The following CCDC178 variants were observed in gnomAD, a reference collection of about 807,000 sequenced individuals.
The protein encoded by CCDC178 is coiled-coil domain-containing protein 178.
CCDC178 carries 126 observed loss-of-function variants against 117.4 expected under a neutral mutation model. The ratio of observed to expected loss-of-function variants is 1.07; its 90% CI spans 0.93 to 1.24. The LOEUF is 1.24. Among genes scored for constraint, CCDC178 ranks in the 50% most tolerant of loss-of-function variants. The probability of loss-of-function intolerance (pLI) is 0.00; values close to 1 mark genes in which losing one functional copy is unlikely to be tolerated. For synonymous variants in CCDC178, 283 were observed against 313.4 expected, an observed-to-expected ratio of 0.90 and a Z score of 1.02; for missense variants, 1,030 against 986.9, an observed-to-expected ratio of 1.04 and a Z score of -0.59.
Position 32,937,929 on chromosome 18 carries a change from G to T in CCDC178, c.*82C>A. On this transcript the variant is annotated 3_prime_UTR_variant, in exon 23 of 23. Transcript: ENST00000383096. ...TGGAAGTGTGAAATGGCAAACAGGT[G>T]AATGTCCAATTACACTGTTATCTGA... 1 of 1,075,634 alleles carries T rather than the reference G, an allele frequency of 9.3e-7. No individual in the cohort carries two copies. The highest frequency in any genetic ancestry group is 1.3e-5 in the South Asian group (1 of 76,296). 66.6% of individuals were successfully genotyped at this position (1,075,634 alleles called of 1,614,324 possible).
rs1329925703 is a variant in CCDC178, at chr18:33,183,284, G to A, written c.2238+28612C>T. On this transcript the variant is annotated intron_variant, in intron 20 of 22. Transcript: ENST00000383096. ...TCACTTCAATAACTCTTTTAAAGTT[G>A]TTGCGCCAAGATGCCTGGCGGATTA... 4.6e-5 allele frequency among the ~76,000 whole-genome samples: 7 copies of A among 152,102 alleles called. No individual in the cohort carries two copies. In the East Asian group the frequency reaches 1.4e-3, roughly 29 times the overall value.
intron 21 of CCDC178, among the ~76,000 whole-genome samples, 196 bp downstream of exon 21, chr18:33,092,563 GTT>G (rs1284323452): frequency 3.3e-5 from 5 of 151,974 alleles, no homozygotes; most frequent in Non-Finnish European, 7.4e-5. Flanking sequence ...TAGAAACTAA[GTT>G]TTTCATTTCT....
chr18:33,148,100 C>A (rs1364598472), intron 20 of CCDC178, among the ~76,000 whole-genome samples: 1 of 151,934 alleles, frequency 6.6e-6, no homozygotes, highest in South Asian at 2.1e-4. Flanking sequence ...TGTAGCGAGC[C>A]GAGATCATGC....
At chr18:32,950,810 A>C (rs1311733792) in intron 22 of CCDC178, among the ~76,000 whole-genome samples, 1 of 152,236 alleles carries the variant, frequency 6.6e-6, no homozygotes, top group Non-Finnish European at 1.5e-5. Flanking sequence ...AAAAGGTAAA[A>C]AATTAATCTA....
chr18:32,963,624 CCTGA>C (rs1482650070), intron 22 of CCDC178, among the ~76,000 whole-genome samples: 1 of 151,894 alleles, frequency 6.6e-6, no homozygotes, highest in Non-Finnish European at 1.5e-5. Flanking sequence ...TATATAACCC[CCTGA>C]CTACCTTTTG....
chr18:33,231,463 T>G (rs559878514), intron 15 of CCDC178, among the ~76,000 whole-genome samples: 5 of 152,340 alleles, frequency 3.3e-5, no homozygotes, highest in African/African-American at 1.2e-4. Flanking sequence ...AATTTGCATG[T>G]AGACTATGCA....
intron 14 of CCDC178, among the ~76,000 whole-genome samples, chr18:33,253,765 A>G (rs549281335): frequency 1.3e-5 from 2 of 151,980 alleles, no homozygotes; most frequent in Admixed American, 6.6e-5. Context: ...TGCTAAGTGG[A>G]AAGAACATAA....
At chr18:33,027,616 A>G (rs985048320) in intron 21 of CCDC178, among the ~76,000 whole-genome samples, 20 of 151,802 alleles carry the variant, frequency 1.3e-4, no homozygotes, top group Admixed American at 1.1e-3. Context: ...TTTAAATTTT[A>G]CTAGAGATTA....
chr18:33,011,551 C>T (rs77400423), intron 21 of CCDC178, among the ~76,000 whole-genome samples: 2 of 151,518 alleles, frequency 1.3e-5, no homozygotes, highest in African/African-American at 2.4e-5. Flanking sequence ...ACCGTCCAGG[C>T]GAAATATACT....
chr18:33,208,016 C>CA (rs1935742852), intron 20 of CCDC178, among the ~76,000 whole-genome samples: 1 of 152,032 alleles, frequency 6.6e-6, no homozygotes, highest in East Asian at 1.9e-4. Flanking sequence ...ATCTCTGATA[C>CA]AAAATTAGCA....
intron 21 of CCDC178, among the ~76,000 whole-genome samples, chr18:33,079,225 T>C (rs1264921028): frequency 6.6e-6 from 1 of 152,158 alleles, no homozygotes; most frequent in African/African-American, 2.4e-5. Flanking sequence ...GCTAGAAATA[T>C]GCAGAAGTTT....
intron 21 of CCDC178, among the ~76,000 whole-genome samples, chr18:33,069,839 A>G (rs1363261387): frequency 6.6e-6 from 1 of 152,104 alleles, no homozygotes; most frequent in Non-Finnish European, 1.5e-5. Flanking sequence ...AAAGAAACAA[A>G]TAATCCACTT....
chr18:33,408,293 T>C lies in CCDC178; in HGVS notation c.58+3738A>G, dbSNP rs186979618. 2.4e-3 allele frequency among the ~76,000 whole-genome samples: 372 copies of C among 151,908 alleles called. 3 individuals are homozygous for C. The highest frequency in any genetic ancestry group is 8.6e-3 in the African/African-American group (357 of 41,504). The stretch of plus-strand genomic sequence containing the variant: ...ATTAAAAGTCTCACTTTAAAAATCA[T>C]GAACAGGAAGATGTGTGCACATTTT... On this transcript the variant is annotated intron_variant, in intron 3 of 22. Transcript: ENST00000383096.
At chr18:32,954,510 C>A (rs931403538) in intron 22 of CCDC178, 1 of 151,926 alleles carries the variant, frequency 6.6e-6, no homozygotes, top group Admixed American at 6.6e-5. Flanking sequence ...TTTTAGGGTT[C>A]CAGTCTGTCT....
chr18:33,001,757 A>G lies in CCDC178; in HGVS notation c.2389-27076T>C, dbSNP rs142101458. ...ATTGTATGAATGGATTAAAAAAAGA[A>G]GACCCAGCATAGAGTGTCTGTTGCC... On this transcript the variant is annotated intron_variant, in intron 21 of 22. Transcript: ENST00000383096. Among the ~76,000 whole-genome samples, 1,053 of 152,272 alleles carry G rather than the reference A, an allele frequency of 6.9e-3. 12 individuals carry two copies. The highest frequency in any genetic ancestry group is 5.7e-3 in the Non-Finnish European group (386 of 68,014).
intron 19 of CCDC178, 62 bp downstream of exon 19, chr18:33,215,488 T>C: frequency 2.2e-6 from 2 of 928,230 alleles, no homozygotes; most frequent in Middle Eastern, 3.6e-4. Flanking sequence ...AATATGGAAA[T>C]TTGATCTTAT....
chr18:33,139,050 C>A (rs1452998475), intron 20 of CCDC178, among the ~76,000 whole-genome samples: 1 of 152,164 alleles, frequency 6.6e-6, no homozygotes, highest in Non-Finnish European at 1.5e-5. Context: ...GGAGACAGGT[C>A]TTTCCTGTGC....
rs190107447 is a variant in CCDC178 at position 32,959,586 on chromosome 18, T to C, written c.2523+14961A>G. 3.4e-4 allele frequency among the ~76,000 whole-genome samples: 51 copies of C among 152,230 alleles called. 1 individual carries two copies. The highest frequency in any genetic ancestry group is 3.4e-3 in the Middle Eastern group (1 of 294). Reference sequence around the variant, plus strand: ...TTTTCATCTTTTTTGAGTTTTCTTTTAAAAATGTATCCTAATTTTTTTTCT... The same window carrying C: ...TTTTCATCTTTTTTGAGTTTTCTTTCAAAAATGTATCCTAATTTTTTTTCT... On this transcript the variant is annotated intron_variant, in intron 22 of 22. Coordinates refer to ENST00000383096, the MANE Select transcript of CCDC178 (RefSeq NM_001105528.4).
intron 21 of CCDC178, among the ~76,000 whole-genome samples, chr18:32,991,702 C>T (rs976100820): frequency 6.6e-6 from 1 of 152,188 alleles, no homozygotes; most frequent in African/African-American, 2.4e-5. Flanking sequence ...TTTGTTCCTT[C>T]AGGCTTATGC....
Sources: gnomAD v4.1 joint callset for allele counts (sites outside exome capture counted in the v4.1 genomes callset) on GRCh38, gnomAD v4.1.1 for gene constraint, MANE v1.5 for transcripts, NCBI Gene and HGNC (gene_info 2026-07-23, HGNC 2026-07-21) for gene names.